Variants in NAA35 observed in about 807,000 individuals in gnomAD.
The protein encoded by NAA35 is MAK10 homolog, amino-acid N-acetyltransferase subunit.
Under a neutral mutation model 101.7 loss-of-function variants are expected in NAA35, and 18 were observed. The observed-to-expected ratio is 0.18, with a 90% CI of 0.12 to 0.26. The LOEUF (loss-of-function observed/expected upper bound fraction) is 0.26. NAA35 is among the 10% of genes least tolerant of loss of function. The pLI is 1.00. For synonymous variants in NAA35, 267 were observed against 273.1 expected, an observed-to-expected ratio of 0.98 and a Z score of 0.22; for missense variants, 601 against 886.8, an observed-to-expected ratio of 0.68 and a Z score of 4.09.
chr9:85,958,405 G>A (rs41305531), intron 3 of NAA35, 67 bp from the exon 4 acceptor site: 9,917 of 924,828 alleles, frequency 0.011, 131 homozygotes, highest in African/African-American at 0.054. Context: ...ATTTTATACC[G>A]TTGTGAAAAT....
chr9:85,957,484 C>T (rs890573909), intron 3 of NAA35, among the ~76,000 whole-genome samples: 3 of 152,130 alleles, frequency 2.0e-5, no homozygotes, highest in Non-Finnish European at 4.4e-5. Flanking sequence ...AGCAAGAACT[C>T]ACCTCCCTGG....
chr9:85,962,013 A>G lies in NAA35; in HGVS notation c.349A>G (p.Ile117Val). Reference protein sequence around the residue: ...GIMDTCFCCLITWLEGHSLAQ... With the variant: ...GIMDTCFCCLVTWLEGHSLAQ... Reference sequence around the variant, plus strand: ...TATATACTCTTTTGTTTCTTTATAGATAACGTGGTTAGAAGGCCATTCACT... The same window carrying G: ...TATATACTCTTTTGTTTCTTTATAGGTAACGTGGTTAGAAGGCCATTCACT... Residue 117 changes from isoleucine (I) to valine (V), a missense_variant and splice_region_variant, in exon 6 of 23, where the codon ATA (isoleucine) becomes GTA (valine). Around this residue, in one of 8 missense-constraint regions of NAA35, gnomAD observed 86 missense variants for 169.4 expected, o/e 0.51. Transcript: ENST00000361671. 5 of 1,601,482 alleles carry G rather than the reference A, an allele frequency of 3.1e-6. No individual in the cohort carries two copies. Among genetic ancestry groups the G allele is most frequent in the Non-Finnish European group, 4.3e-6 (5 of 1,176,160 alleles).
At position 85,954,803 on chromosome 9, in the gene NAA35, A is replaced by G. The variant is rs576811992; in HGVS notation, c.125-1557A>G. 2.0e-4 allele frequency among the ~76,000 whole-genome samples: 30 copies of G among 152,248 alleles called. No individual in the cohort carries two copies. The South Asian group carries it at 5.6e-3, about 28-fold the overall frequency. On this transcript the variant is annotated intron_variant, in intron 2 of 22. Transcript: ENST00000361671. ...TCAACACAATAAAAAAAGACAACGA[A>G]TGTTTTGGTATGATTATCAAAGTAA...
chr9:85,978,127 G>T, intron 10 of NAA35, 140 bp from the exon 11 acceptor site: 1 of 599,274 alleles, frequency 1.7e-6, no homozygotes. Context: ...TGGACATCCT[G>T]TATTAAGTGC....
chr9:86,012,043 T>C (rs1159363347), intron 15 of NAA35, among the ~76,000 whole-genome samples: 2 of 146,978 alleles, frequency 1.4e-5, no homozygotes, highest in African/African-American at 2.5e-5. Context: ...GAAAAAACAA[T>C]AGAAGACCAG....
intron 6 of NAA35, among the ~76,000 whole-genome samples, chr9:85,973,492 A>G (rs1277379464): frequency 6.6e-6 from 1 of 152,210 alleles, no homozygotes; most frequent in African/African-American, 2.4e-5. Context: ...TAGTTAGACT[A>G]GAATCTGAAG....
chr9:85,956,668 T>C (rs577860594), intron 3 of NAA35, among the ~76,000 whole-genome samples: 1 of 152,290 alleles, frequency 6.6e-6, no homozygotes, highest in Admixed American at 6.5e-5. Context: ...ATAAAAGATA[T>C]CAGTTGTATG....
At chr9:86,018,651 G>C (rs1832352470) in intron 20 of NAA35, 48 bp from the exon 21 acceptor site, 1 of 1,582,794 alleles carries the variant, frequency 6.3e-7, no homozygotes, top group South Asian at 1.2e-5. Context: ...GGATTTTAGA[G>C]TTGTTCATAT....
Position 85,942,166 on chromosome 9 carries a change from A to G in NAA35, c.7A>G (p.Met3Val). The G allele has an allele frequency of 1.2e-6, 2 of 1,613,854 alleles. No homozygotes were observed. The highest frequency in any genetic ancestry group is 1.7e-6 in the Non-Finnish European group (2 of 1,179,924). The change falls in exon 2 of 23, where the codon ATG becomes GTG. Residue 3 changes from methionine to valine, a missense_variant. Met to Val is a conservative substitution (Grantham distance 21). Around this residue, in one of 8 missense-constraint regions of NAA35, gnomAD observed 67 missense variants for 62.4 expected, o/e 1.07. Coordinates refer to ENST00000361671, the MANE Select transcript of NAA35 (RefSeq NM_024635.4). ...TATTAATTTTACAGGCATAATGGTT[A>G]TGAAAGCTTCTGTAGATGATGACGA... is the stretch of plus-strand genomic sequence containing the variant. MV[M>V]KASVDDDDSG... is the part of the protein sequence containing the mutation.
rs145803790 is a variant in NAA35, at chr9:86,016,817, C to T, written c.1705+142C>T. 90 of 755,858 alleles carry T rather than the reference C, an allele frequency of 1.2e-4. No homozygotes were observed. In the African/African-American group the frequency reaches 1.2e-3, roughly 10 times the overall value. 46.8% of individuals were successfully genotyped at this position (755,858 alleles called of 1,614,324 possible). ...GAAACTATAAGGTAGAGACTGAGTC[C>T]CAGTATCAATGACATAAGCTTTTTG... On this transcript the variant is annotated intron_variant, in intron 18 of 22. Coordinates refer to ENST00000361671, the MANE Select transcript of NAA35 (RefSeq NM_024635.4).
chr9:86,018,048 GT>G (rs1832318818), intron 19 of NAA35, among the ~76,000 whole-genome samples: 1 of 152,200 alleles, frequency 6.6e-6, no homozygotes, highest in African/African-American at 2.4e-5. Context: ...ATCATTTGAG[GT>G]GACTCACATT....
intron 11 of NAA35, among the ~76,000 whole-genome samples, chr9:85,988,538 G>T (rs529214947): frequency 6.3e-4 from 96 of 152,228 alleles, no homozygotes; most frequent in Non-Finnish European, 1.0e-3. Context: ...GGTGGCTTAC[G>T]CCTGTAATCC....
rs187138690 is a variant in NAA35, at chr9:85,998,686, G to T, written c.1056+2109G>T. Among the ~76,000 whole-genome samples, 10 of 152,060 alleles carry T rather than the reference G, an allele frequency of 6.6e-5. No individual in the cohort carries two copies. The East Asian group carries it at 1.2e-3, about 18-fold the overall frequency. ...CTGACAGCAGAAAAGCTTTTTAATTGGTAGGATTATAGTAGCACATGTAAG... is the reference window on the plus strand; with the variant it reads ...CTGACAGCAGAAAAGCTTTTTAATTTGTAGGATTATAGTAGCACATGTAAG... On this transcript the variant is annotated intron_variant, in intron 12 of 22. Transcript: ENST00000361671.
chr9:85,980,916 C>T (rs1468882354), intron 11 of NAA35, among the ~76,000 whole-genome samples: 2 of 152,134 alleles, frequency 1.3e-5, no homozygotes, highest in Non-Finnish European at 2.9e-5. Flanking sequence ...AGTTGTCAGT[C>T]TTGTAACCAG....
chr9:85,957,577 T>C (rs757678161), intron 3 of NAA35, among the ~76,000 whole-genome samples: 2 of 152,186 alleles, frequency 1.3e-5, no homozygotes, highest in Non-Finnish European at 2.9e-5. Context: ...ACTGCCGCAT[T>C]GGGGATCAAG....
rs185346638 is a variant in NAA35, at chr9:86,018,810, C to G, written c.2026C>G (p.Pro676Ala). 11 of 1,613,756 alleles carry G rather than the reference C, an allele frequency of 6.8e-6. No individual in the cohort carries two copies. In the African/African-American group the frequency reaches 1.5e-4, roughly 22 times the overall value. Reference sequence around the variant, plus strand: ...AATGATATTGGAAAATATTCCTAACCCGGACCATGAGGTGAGACTGGATTC... The same window carrying G: ...AATGATATTGGAAAATATTCCTAACGCGGACCATGAGGTGAGACTGGATTC... ...AKMILENIPN[P>A]DHEVNRILKV... The change falls in exon 21 of 23, where the codon CCG (proline) becomes GCG (alanine). Residue 676 changes from proline to alanine, a missense_variant. Physicochemically the swap from Pro to Ala is conservative, Grantham distance 27 (BLOSUM62 -1). Around this residue, in one of 8 missense-constraint regions of NAA35, gnomAD observed 90 missense variants for 108.7 expected, o/e 0.83. Coordinates refer to ENST00000361671, the MANE Select transcript of NAA35 (RefSeq NM_024635.4).
At chr9:85,946,481 T>A (rs1828767654) in intron 2 of NAA35, among the ~76,000 whole-genome samples, 1 of 152,148 alleles carries the variant, frequency 6.6e-6, no homozygotes, top group Non-Finnish European at 1.5e-5. Context: ...AAATCTGCCA[T>A]GCTGACTTCC....
chr9:85,951,972 A>G (rs1420245253), intron 2 of NAA35, among the ~76,000 whole-genome samples: 4 of 152,180 alleles, frequency 2.6e-5, no homozygotes, highest in African/African-American at 7.2e-5. Flanking sequence ...TAGATCTTCC[A>G]AATGTTAACA....
chr9:85,978,761 C>A (rs1200909219), intron 11 of NAA35, among the ~76,000 whole-genome samples: 1 of 152,040 alleles, frequency 6.6e-6, no homozygotes, highest in African/African-American at 2.4e-5. Context: ...TCTTCCTCCC[C>A]GAGAATTCAG....
Sources: gnomAD v4.1 joint callset for allele counts (sites outside exome capture counted in the v4.1 genomes callset) on GRCh38, gnomAD v4.1.1 for gene constraint, gnomAD v4.1.1 regional missense constraint, MANE v1.5 for transcripts, NCBI Gene and HGNC (gene_info 2026-07-23, HGNC 2026-07-21) for gene names.